Variants in SASH1 observed in about 807,000 individuals in gnomAD.
SASH1 encodes the protein SAM and SH3 domain containing 1, also known as SAM and SH3 domain-containing protein 1.
SASH1 carries 44 observed loss-of-function variants against 125.2 expected under a neutral mutation model. That is an observed-to-expected ratio of 0.35 (90% confidence interval 0.28 to 0.45). The LOEUF (loss-of-function observed/expected upper bound fraction) is 0.45. SASH1 is among the 20% of genes least tolerant of loss of function. The probability of loss-of-function intolerance (pLI) is 1.00; values close to 1 mark genes in which losing one functional copy is unlikely to be tolerated. For missense variants in SASH1, 1,426 were observed against 1,614.5 expected (o/e 0.88, Z 2.00); for synonymous variants, 639 against 649.1 (o/e 0.98, Z 0.24).
intron 8 of SASH1, among the ~76,000 whole-genome samples, chr6:148,488,173 C>T (rs980138112): frequency 6.6e-6 from 1 of 152,206 alleles, no homozygotes; most frequent in Non-Finnish European, 1.5e-5. Flanking sequence ...CCCCTGGCAG[C>T]CACCGTTCTA....
intron 1 of SASH1, among the ~76,000 whole-genome samples, chr6:148,357,943 C>T (rs1782009796): frequency 6.6e-6 from 1 of 151,424 alleles, no homozygotes; most frequent in South Asian, 2.1e-4. Context: ...GCCTGTAATC[C>T]CAGCTACTCG....
chr6:148,393,041 A>ATTT (rs11368073), intron 2 of SASH1, among the ~76,000 whole-genome samples: 2 of 78,120 alleles, frequency 2.6e-5, no homozygotes, highest in Admixed American at 1.6e-4. Flanking sequence ...GAATGTTTCA[A>ATTT]TTTTTTTTTT....
chr6:148,403,266 AT>A (rs1157934047), intron 2 of SASH1, among the ~76,000 whole-genome samples: 2 of 151,432 alleles, frequency 1.3e-5, no homozygotes, highest in African/African-American at 4.8e-5. Context: ...GAATATTAAT[AT>A]AAGAATATAT....
chr6:148,309,144 T>A (rs1401386735), intron 1 of SASH1, among the ~76,000 whole-genome samples: 1 of 149,776 alleles, frequency 6.7e-6, no homozygotes, highest in African/African-American at 2.5e-5. Flanking sequence ...AATGGCTTGG[T>A]GCTTGTAGTT....
At chr6:148,204,790 C>T in the SASH1 span, among the ~76,000 whole-genome samples, 9 of 152,102 alleles carry the variant, frequency 5.9e-5, no homozygotes, top group South Asian at 4.2e-4. Flanking sequence ...AAGTCCTAAC[C>T]GAATGCCCCA....
chr6:148,444,260 G>A (rs1328684367), intron 4 of SASH1, among the ~76,000 whole-genome samples: 2 of 152,126 alleles, frequency 1.3e-5, no homozygotes, highest in Admixed American at 1.3e-4. Flanking sequence ...TCAAATGTCT[G>A]TTTCTAAAAA....
chr6:148,271,859 C>T (rs1029993561), upstream of SASH1, among the ~76,000 whole-genome samples: 1 of 152,104 alleles, frequency 6.6e-6, no homozygotes, highest in Admixed American at 6.5e-5. Context: ...AAACTCTGAA[C>T]CAGAACAATT....
intron 1 of SASH1, among the ~76,000 whole-genome samples, chr6:148,362,329 T>C (rs1312139108): frequency 6.6e-6 from 1 of 151,466 alleles, no homozygotes; most frequent in African/African-American, 2.4e-5. Flanking sequence ...TTTAAGAGAT[T>C]CTCCTGCCTC....
At chr6:148,447,738 TTCC>T (rs1224288128) in intron 4 of SASH1, among the ~76,000 whole-genome samples, 11 of 125,092 alleles carry the variant, frequency 8.8e-5, no homozygotes, top group East Asian at 2.6e-4. Context: ...CCTCCTCCTC[TTCC>T]TCCTCCTCCT....
intron 1 of SASH1, among the ~76,000 whole-genome samples, chr6:148,283,592 T>A (rs1459566794): frequency 6.6e-6 from 1 of 152,100 alleles, no homozygotes; most frequent in Non-Finnish European, 1.5e-5. Context: ...GCTAACAAGG[T>A]GAAACCCCTG....
intron 4 of SASH1, among the ~76,000 whole-genome samples, chr6:148,463,147 AT>A (rs202197858): frequency 0.075 from 10,877 of 144,612 alleles, 388 homozygotes; most frequent in East Asian, 0.12. Flanking sequence ...CTGCAATATA[AT>A]TTTTTTTTTT....
intron 1 of SASH1, among the ~76,000 whole-genome samples, chr6:148,377,172 AAAAAAAAAAAAC>A (rs756138120): frequency 0.018 from 1,233 of 69,450 alleles, 15 homozygotes; most frequent in Middle Eastern, 0.067. Flanking sequence ...TCCGTCTCAA[AAAAAAAAAAAAC>A]AAAAAAAAAA....
chr6:148,487,342 C>T (rs765317117), intron 7 of SASH1, among the ~76,000 whole-genome samples: 1 of 151,914 alleles, frequency 6.6e-6, no homozygotes, highest in Admixed American at 6.6e-5. Flanking sequence ...ACACAGGATA[C>T]AAAGAGTCCA....
chr6:148,436,758 G>C (rs1776306426), intron 2 of SASH1, among the ~76,000 whole-genome samples: 1 of 152,194 alleles, frequency 6.6e-6, no homozygotes, highest in Non-Finnish European at 1.5e-5. Flanking sequence ...CTGTAGAGCA[G>C]AGCAAGCCTT....
chr6:148,479,767 T>C (rs1778531401), intron 7 of SASH1: 2 of 152,866 alleles, frequency 1.3e-5, no homozygotes, highest in East Asian at 1.9e-4. Flanking sequence ...ACAAAGCTCA[T>C]TGAGAGCACA....
intron 1 of SASH1, among the ~76,000 whole-genome samples, chr6:148,377,197 A>AAC (rs1782946047): frequency 6.7e-6 from 1 of 148,698 alleles, no homozygotes; most frequent in Admixed American, 6.8e-5. Flanking sequence ...AAAAAAAACA[A>AAC]AAAAAAAACA....
intron 1 of SASH1, among the ~76,000 whole-genome samples, chr6:148,323,270 A>C (rs1347668340): frequency 6.6e-6 from 1 of 152,104 alleles, no homozygotes; most frequent in Non-Finnish European, 1.5e-5. Context: ...TCGGCCTCCC[A>C]AAGTGCTGAG....
intron 2 of SASH1, among the ~76,000 whole-genome samples, chr6:148,394,767 C>T (rs1003531985): frequency 9.2e-5 from 14 of 152,140 alleles, no homozygotes; most frequent in African/African-American, 3.4e-4. Flanking sequence ...GCATTAGCCT[C>T]CCGAGTAGCT....
chr6:148,444,314 T>A (rs1374718645), intron 4 of SASH1, among the ~76,000 whole-genome samples: 1 of 152,198 alleles, frequency 6.6e-6, no homozygotes, highest in Non-Finnish European at 1.5e-5. Flanking sequence ...TAACAGGGTT[T>A]AAAGTCTCAA....
Sources: gnomAD v4.1 joint callset for allele counts (sites outside exome capture counted in the v4.1 genomes callset) on GRCh38, gnomAD v4.1.1 for gene constraint, MANE v1.5 for transcripts, NCBI Gene and HGNC (gene_info 2026-07-23, HGNC 2026-07-21) for gene names.